The following RIMS2 variants were observed in gnomAD, a reference collection of about 807,000 sequenced individuals.
RIMS2 encodes regulating synaptic membrane exocytosis 2.
RIMS2 carries 59 observed loss-of-function variants against 174.4 expected under a neutral mutation model. The ratio of observed to expected loss-of-function variants is 0.34; its 90% CI spans 0.27 to 0.42. The LOEUF is 0.42. Ranked by LOEUF, RIMS2 falls within the 10% of genes least tolerant of loss-of-function variation. The pLI is 1.00. For synonymous variants in RIMS2, 606 were observed against 572.5 expected (o/e 1.06, Z -0.84); for missense variants, 1,620 against 1,666.3 (o/e 0.97, Z 0.48).
At chr8:103,850,651 A>T (rs555693983) in intron 3 of RIMS2, among the ~76,000 whole-genome samples, 1 of 152,130 alleles carries the variant, frequency 6.6e-6, no homozygotes, top group East Asian at 1.9e-4. Context: ...TTCTTTTTGG[A>T]TGACTATGAC....
At chr8:103,687,097 G>C (rs576217024) in intron 1 of RIMS2, among the ~76,000 whole-genome samples, 1 of 152,002 alleles carries the variant, frequency 6.6e-6, no homozygotes, top group South Asian at 2.1e-4. Context: ...GATTTGAAAG[G>C]TTCTTAAACT....
intron 19 of RIMS2, among the ~76,000 whole-genome samples, chr8:104,060,684 C>T (rs1284618222): frequency 6.6e-6 from 1 of 152,040 alleles, no homozygotes; most frequent in African/African-American, 2.4e-5. Context: ...TTGGATCTTT[C>T]CTGCTTTCTA....
At chr8:104,000,992 A>G (rs2095361291) in intron 17 of RIMS2, among the ~76,000 whole-genome samples, 1 of 151,528 alleles carries the variant, frequency 6.6e-6, no homozygotes, top group Admixed American at 6.6e-5. Flanking sequence ...TAGCTTGCAA[A>G]TTTTTTCTTC....
intron 3 of RIMS2, among the ~76,000 whole-genome samples, chr8:103,863,199 T>A (rs2099067667): frequency 6.6e-6 from 1 of 152,172 alleles, no homozygotes; most frequent in Admixed American, 6.5e-5. Flanking sequence ...TGTCAGAATT[T>A]TTTTTGACAT....
rs933311275 is a variant in RIMS2 at position 104,224,790 on chromosome 8, TA to T, written c.3335-20125del. On this transcript the variant is annotated intron_variant, in intron 19 of 23. Coordinates refer to ENST00000504942, the Ensembl canonical transcript of RIMS2. ...ATTTTTTTTCTGCTTTTTTTCCTGA[TA>T]GGGGAGGGGGAAAAGTAGAAGATGG... Among the ~76,000 whole-genome samples the T allele has an allele frequency of 3.9e-5, 6 of 152,230 alleles. No homozygotes were observed. In the South Asian group the frequency reaches 1.0e-3, roughly 26 times the overall value.
chr8:104,017,710 G>T (rs1035167712), intron 19 of RIMS2, among the ~76,000 whole-genome samples: 3 of 152,060 alleles, frequency 2.0e-5, no homozygotes, highest in African/African-American at 7.2e-5. Context: ...CATCATAAAA[G>T]CAATGTGATA....
chr8:103,502,300 C>G (rs376276883), intron 1 of RIMS2, among the ~76,000 whole-genome samples: 3 of 152,146 alleles, frequency 2.0e-5, no homozygotes, highest in Non-Finnish European at 4.4e-5. Flanking sequence ...AAACAGGTTT[C>G]ATTGTCAATA....
chr8:103,930,504 G>A (rs1346755625), intron 11 of RIMS2, among the ~76,000 whole-genome samples: 1 of 152,108 alleles, frequency 6.6e-6, no homozygotes, highest in Admixed American at 6.6e-5. Context: ...CAGGTGTGAG[G>A]TATGTGTGTG....
At chr8:104,222,124 T>C (rs1332103649) in intron 19 of RIMS2, among the ~76,000 whole-genome samples, 1 of 152,246 alleles carries the variant, frequency 6.6e-6, no homozygotes, top group Non-Finnish European at 1.5e-5. Flanking sequence ...TGAATTGCAG[T>C]GTCCCATACC....
intron 2 of RIMS2, among the ~76,000 whole-genome samples, chr8:103,741,019 A>G (rs546614692): frequency 6.6e-6 from 1 of 152,116 alleles, no homozygotes. Context: ...AAACATTTTA[A>G]GAATTTCAGT....
At chr8:103,648,742 C>G (rs1262173852) in intron 1 of RIMS2, among the ~76,000 whole-genome samples, 3 of 152,078 alleles carry the variant, frequency 2.0e-5, no homozygotes, top group Non-Finnish European at 2.9e-5. Flanking sequence ...TCTGTTTTGT[C>G]AGAAATACTG....
chr8:104,212,855 A>G (rs1563785686), intron 19 of RIMS2, among the ~76,000 whole-genome samples: 1 of 152,210 alleles, frequency 6.6e-6, no homozygotes, highest in Non-Finnish European at 1.5e-5. Context: ...ACACAGACAC[A>G]TTGAGAACTG....
chr8:104,249,476 T>C lies in RIMS2; in HGVS notation c.3590-11T>C. The C allele has an allele frequency of 2.7e-6, 4 of 1,482,680 alleles. No homozygotes were observed. The highest frequency in any genetic ancestry group is 3.8e-6 in the Non-Finnish European group (4 of 1,061,350). The allele number at this position is 1,482,680 out of a possible 1,614,324, so 91.8% of individuals were successfully genotyped here. ...TATTAAAGCACATTTGTTCCTTCCT[T>C]CTTCCATTAGGTGACATTCAGGTAG... On this transcript the variant is annotated splice_polypyrimidine_tract_variant and intron_variant, in intron 21 of 23. Coordinates refer to ENST00000504942, the Ensembl canonical transcript of RIMS2.
rs141211472 is a variant in RIMS2 at position 103,505,388 on chromosome 8, A to G, written c.176+4326A>G. 2.3e-4 allele frequency among the ~76,000 whole-genome samples: 35 copies of G among 152,294 alleles called. 2 individuals carry two copies. In the East Asian group the frequency reaches 6.8e-3, roughly 29 times the overall value. ...GTTTGCTTTATAAGAGGTCAGTTCC[A>G]CATCTGTGACTGTATAGCTGCCTCG... On this transcript the variant is annotated intron_variant, in intron 1 of 23. Transcript: ENST00000504942.
chr8:103,565,940 T>C (rs996532155), intron 1 of RIMS2, among the ~76,000 whole-genome samples: 1 of 152,290 alleles, frequency 6.6e-6, no homozygotes. Flanking sequence ...TTATGCCCAA[T>C]ATGTTTGGGG....
At chr8:104,045,742 G>A (rs2096682975) in intron 19 of RIMS2, among the ~76,000 whole-genome samples, 1 of 151,580 alleles carries the variant, frequency 6.6e-6, no homozygotes, top group South Asian at 2.1e-4. Flanking sequence ...TATTACAGTT[G>A]GGTCTGTGCT....
At chr8:103,727,213 A>G (rs187904615) in intron 2 of RIMS2, among the ~76,000 whole-genome samples, 9 of 152,124 alleles carry the variant, frequency 5.9e-5, no homozygotes, top group Non-Finnish European at 1.2e-4. Context: ...ATAATATGCA[A>G]CCATATGACC....
intron 15 of RIMS2, among the ~76,000 whole-genome samples, chr8:103,965,219 G>T (rs568027206): frequency 1.3e-5 from 2 of 152,250 alleles, no homozygotes; most frequent in South Asian, 4.1e-4. Context: ...GATTGAGATT[G>T]CTTTGAATCT....
chr8:103,833,070 A>C (rs1018682057), intron 3 of RIMS2, among the ~76,000 whole-genome samples: 5 of 152,192 alleles, frequency 3.3e-5, no homozygotes, highest in African/African-American at 1.2e-4. Flanking sequence ...TTTACCTGAA[A>C]AAATCTTTTC....
Sources: gnomAD v4.1 joint callset for allele counts (sites outside exome capture counted in the v4.1 genomes callset) on GRCh38, gnomAD v4.1.1 for gene constraint, MANE v1.5 for transcripts, NCBI Gene and HGNC (gene_info 2026-07-23, HGNC 2026-07-21) for gene names.